Variants in RIMS1 observed in about 807,000 individuals in gnomAD.
RIMS1 encodes regulating synaptic membrane exocytosis 1.
RIMS1 carries 83 observed loss-of-function variants against 214.1 expected under a neutral mutation model. The observed-to-expected ratio is 0.39, with a 90% confidence interval of 0.32 to 0.47. RIMS1 has a LOEUF of 0.47. Among genes scored for constraint, RIMS1 ranks in the 20% least tolerant of loss-of-function variants. The pLI is 0.99. For synonymous variants in RIMS1, 793 were observed against 786.8 expected (o/e 1.01, Z -0.13); for missense variants, 2,050 against 2,161.8 (o/e 0.95, Z 1.03).
intron 1 of RIMS1, among the ~76,000 whole-genome samples, chr6:71,932,192 G>A (rs1783256136): frequency 6.6e-6 from 1 of 151,942 alleles, no homozygotes; most frequent in Non-Finnish European, 1.5e-5. Context: ...GTTCATTGCA[G>A]CTATTCACAA....
chr6:72,352,983 C>CTTTTTTTTTTTTTTTTTTTT, intron 29 of RIMS1, among the ~76,000 whole-genome samples: 1 of 88,288 alleles, frequency 1.1e-5, no homozygotes, highest in Non-Finnish European at 2.1e-5. Flanking sequence ...ATTCTTTTTT[C>CTTTTTTTTTTTTTTTTTTTT]TTTTTTTTTT....
chr6:72,128,980 CAG>C (rs1386181879), intron 4 of RIMS1, among the ~76,000 whole-genome samples: 2 of 152,200 alleles, frequency 1.3e-5, no homozygotes, highest in Non-Finnish European at 2.9e-5. Context: ...TAAATCAACT[CAG>C]AATCTGTAAC....
chr6:72,026,071 A>G (rs1391825058), intron 2 of RIMS1, among the ~76,000 whole-genome samples: 1 of 152,190 alleles, frequency 6.6e-6, no homozygotes, highest in Non-Finnish European at 1.5e-5. Flanking sequence ...CACTTACTTC[A>G]TATTTTATTA....
chr6:71,956,262 A>G (rs1236073508), intron 1 of RIMS1, among the ~76,000 whole-genome samples: 1 of 152,098 alleles, frequency 6.6e-6, no homozygotes, highest in African/African-American at 2.4e-5. Flanking sequence ...AGATTGTTGT[A>G]TTGTTAGGTT....
chr6:72,227,896 A>G (rs2060702431), intron 6 of RIMS1, among the ~76,000 whole-genome samples: 1 of 151,960 alleles, frequency 6.6e-6, no homozygotes, highest in South Asian at 2.1e-4. Context: ...GACACAGGGG[A>G]TGTTCTTGGT....
intron 32 of RIMS1, 32 bp from the exon 33 acceptor site, chr6:72,398,923 A>C: frequency 7.4e-7 from 1 of 1,348,528 alleles, no homozygotes; most frequent in African/African-American, 1.5e-5. Context: ...TTTAAGGAAT[A>C]ATTTCTTATA....
intron 6 of RIMS1, among the ~76,000 whole-genome samples, chr6:72,215,174 C>T (rs2055298136): frequency 6.6e-6 from 1 of 152,170 alleles, no homozygotes; most frequent in Non-Finnish European, 1.5e-5. Context: ...ATCTCTAGAC[C>T]ATGCCATCTG....
rs1166842039 is a variant in RIMS1, at chr6:72,155,990, GAAAA to G, written c.472-23581_472-23578del. 2 of 260,246 alleles carry G rather than the reference GAAAA, an allele frequency of 7.7e-6. 1 individual carries two copies. The highest frequency in any genetic ancestry group is 9.7e-5 in the Admixed American group (2 of 20,516). 16.1% of individuals were successfully genotyped at this position (260,246 alleles called of 1,614,324 possible). The stretch of plus-strand genomic sequence containing the variant: ...TAACAAGTGTTGGTGAGGATATGGA[GAAAA>G]AAATAACACTTATACCCTGTTGGTA... On this transcript the variant is annotated intron_variant, in intron 4 of 33. Transcript: ENST00000521978.
At chr6:71,909,656 A>T (rs1354156511) in intron 1 of RIMS1, among the ~76,000 whole-genome samples, 1 of 152,206 alleles carries the variant, frequency 6.6e-6, no homozygotes, top group South Asian at 2.1e-4. Flanking sequence ...AACAATAATT[A>T]TGTGATTCTG....
chr6:71,912,089 G>A (rs1040676662), intron 1 of RIMS1, among the ~76,000 whole-genome samples: 3 of 152,108 alleles, frequency 2.0e-5, no homozygotes, highest in Non-Finnish European at 4.4e-5. Context: ...CTTGAACCTA[G>A]TCAGTTGAGT....
intron 29 of RIMS1, among the ~76,000 whole-genome samples, chr6:72,377,241 C>T (rs1032611586): frequency 3.3e-5 from 5 of 152,154 alleles, no homozygotes; most frequent in Non-Finnish European, 7.4e-5. Context: ...CCTTGAGTGT[C>T]CTTGCGCACG....
intron 6 of RIMS1, among the ~76,000 whole-genome samples, chr6:72,213,926 A>G (rs976994694): frequency 6.6e-6 from 1 of 152,230 alleles, no homozygotes; most frequent in Non-Finnish European, 1.5e-5. Flanking sequence ...TATATAACCC[A>G]GAAGAAGGAT....
At chr6:72,156,098 T>G (rs1364642798) in intron 4 of RIMS1, 1 of 340,732 alleles carries the variant, frequency 2.9e-6, no homozygotes, top group African/African-American at 2.1e-5. Context: ...TACTATATGA[T>G]CCAGCAATCT....
intron 1 of RIMS1, among the ~76,000 whole-genome samples, chr6:71,910,036 A>C (rs948268343): frequency 3.9e-5 from 6 of 152,280 alleles, no homozygotes; most frequent in Admixed American, 2.0e-4. Flanking sequence ...CTTTGTTCAA[A>C]GATCTAAAAG....
chr6:72,263,465 A>T (rs2154169114), intron 19 of RIMS1: 1 of 979,548 alleles, frequency 1.0e-6, no homozygotes, highest in South Asian at 4.7e-5. Context: ...ACAGCCAATA[A>T]GTGGCAAAGC....
intron 2 of RIMS1, among the ~76,000 whole-genome samples, chr6:72,079,325 G>A (rs1354535606): frequency 6.6e-6 from 1 of 152,150 alleles, no homozygotes; most frequent in Non-Finnish European, 1.5e-5. Context: ...ATCAAGCAGG[G>A]TCTACCTTCA....
Position 72,182,275 on chromosome 6 carries a change from A to G in RIMS1, c.813-9A>G. 2 of 1,556,444 alleles carry G rather than the reference A, an allele frequency of 1.3e-6. No individual in the cohort carries two copies. The highest frequency in any genetic ancestry group is 1.7e-6 in the Non-Finnish European group (2 of 1,156,842). On this transcript the variant is annotated splice_polypyrimidine_tract_variant and intron_variant, in intron 5 of 33. Transcript: ENST00000521978. Reference sequence around the variant, plus strand: ...ATTGCTCTCCTTGACGTTCCTTTGTATATCATAGAAAGAAGACCCCAGGGC... The same window carrying G: ...ATTGCTCTCCTTGACGTTCCTTTGTGTATCATAGAAAGAAGACCCCAGGGC...
chr6:72,223,814 G>A (rs1409438495), intron 6 of RIMS1, among the ~76,000 whole-genome samples: 1 of 152,010 alleles, frequency 6.6e-6, no homozygotes, highest in Non-Finnish European at 1.5e-5. Flanking sequence ...CAGGCGTGGT[G>A]GTGGGCACCT....
intron 16 of RIMS1, among the ~76,000 whole-genome samples, chr6:72,253,546 AGAG>A (rs2074400477): frequency 6.6e-6 from 1 of 152,222 alleles, no homozygotes; most frequent in Non-Finnish European, 1.5e-5. Context: ...TTTACTAATG[AGAG>A]GAGAAGTAAA....
Sources: allele counts gnomAD v4.1 joint callset (sites outside exome capture counted in the v4.1 genomes callset), GRCh38; gene constraint gnomAD v4.1.1; transcripts MANE v1.5; gene names NCBI Gene and HGNC (gene_info 2026-07-23, HGNC 2026-07-21).